Variants in STARD13 observed in about 807,000 individuals in gnomAD.
The protein encoded by STARD13 is stAR-related lipid transfer protein 13.
A neutral mutation model predicts 106.4 loss-of-function variants in STARD13; 62 were observed. The ratio of observed to expected loss-of-function variants is 0.58; its 90% CI spans 0.48 to 0.72. STARD13 has a LOEUF of 0.72. Among genes scored for constraint, STARD13 ranks in the 30% least tolerant of loss-of-function variants. The pLI is 0.00. For synonymous variants in STARD13, 565 were observed against 553.0 expected (o/e 1.02, Z -0.31); for missense variants, 1,387 against 1,424.0 (o/e 0.97, Z 0.42).
chr13:33,207,195 C>T (rs1027261463), intron 1 of STARD13, among the ~76,000 whole-genome samples: 2 of 152,098 alleles, frequency 1.3e-5, no homozygotes, highest in African/African-American at 4.8e-5. Context: ...AGGATAACAG[C>T]CACTCAGATT....
chr13:33,118,300 C>A (rs750826911), intron 7 of STARD13, 37 bp from the exon 8 acceptor site: 31 of 1,586,164 alleles, frequency 2.0e-5, no homozygotes, highest in Non-Finnish European at 2.6e-5. Flanking sequence ...AGCCAGGCCA[C>A]ACTTGGTTGT....
At chr13:33,162,833 C>T (rs1016143169) in intron 3 of STARD13, among the ~76,000 whole-genome samples, 1 of 151,962 alleles carries the variant, frequency 6.6e-6, no homozygotes. Context: ...TTCTTCTGAG[C>T]CTTCCACACT....
chr13:33,561,136 A>C, the STARD13 span, among the ~76,000 whole-genome samples: 1 of 151,574 alleles, frequency 6.6e-6, no homozygotes, highest in East Asian at 1.9e-4. Flanking sequence ...TAAAAGTATT[A>C]ATCCAGATAA....
At chr13:33,124,637 A>G (rs1002680061) in intron 7 of STARD13, among the ~76,000 whole-genome samples, 8 of 152,206 alleles carry the variant, frequency 5.3e-5, no homozygotes, top group Non-Finnish European at 1.2e-4. Flanking sequence ...CATTATTCAG[A>G]AGCTACGGGG....
chr13:33,583,868 AT>A, the STARD13 span, among the ~76,000 whole-genome samples: 3 of 136,442 alleles, frequency 2.2e-5, no homozygotes, highest in African/African-American at 8.3e-5. Context: ...TTTTTTTTTC[AT>A]TCGTCAGTAG....
chr13:33,468,585 ACT>A, the STARD13 span, among the ~76,000 whole-genome samples: 1 of 70,642 alleles, frequency 1.4e-5, no homozygotes, highest in African/African-American at 5.5e-5. Flanking sequence ...CCCCTCCCCC[ACT>A]CTCTCTCTCA....
chr13:33,610,752 T>C, the STARD13 span, among the ~76,000 whole-genome samples: 1 of 152,236 alleles, frequency 6.6e-6, no homozygotes, highest in South Asian at 2.1e-4. Flanking sequence ...TTTATTTTTC[T>C]TCCGCTGAGA....
the STARD13 span, among the ~76,000 whole-genome samples, chr13:33,494,754 A>G: frequency 2.0e-5 from 3 of 152,108 alleles, no homozygotes; most frequent in South Asian, 2.1e-4. Flanking sequence ...TATAGCTAGC[A>G]CAATGAGAAT....
the STARD13 span, among the ~76,000 whole-genome samples, chr13:33,499,591 CTTCTTCTTCTTCTTTCTTCTT>C: frequency 4.7e-5 from 3 of 64,006 alleles, no homozygotes; most frequent in Non-Finnish European, 9.7e-5. Flanking sequence ...TCTTCTTCTT[CTTCTTCTTCTTCTTTCTTCTT>C]CTTCTTCTTC....
the STARD13 span, among the ~76,000 whole-genome samples, chr13:33,370,723 A>T: frequency 6.8e-6 from 1 of 147,240 alleles, no homozygotes; most frequent in Non-Finnish European, 1.5e-5. Flanking sequence ...GGTTCAAGTG[A>T]TTCTCCCGCC....
the STARD13 span, among the ~76,000 whole-genome samples, chr13:33,398,756 C>T: frequency 6.6e-6 from 1 of 152,164 alleles, no homozygotes; most frequent in Non-Finnish European, 1.5e-5. Context: ...TACCACTGTA[C>T]ACCAGTGTTT....
At chr13:33,540,661 G>A in the STARD13 span, among the ~76,000 whole-genome samples, 3 of 152,238 alleles carry the variant, frequency 2.0e-5, no homozygotes, top group African/African-American at 7.2e-5. Flanking sequence ...TGTTTGATGA[G>A]TGCAGACACA....
At chr13:33,285,376 A>T in intron 1 of STARD13, 94 bp downstream of exon 1, 9 of 1,319,336 alleles carry the variant, frequency 6.8e-6, no homozygotes, top group Non-Finnish European at 9.4e-6. Context: ...TATGTTATAA[A>T]GTGGAAACAA....
At chr13:33,297,544 T>C (rs897122130) in intron 1 of STARD13, among the ~76,000 whole-genome samples, 12 of 151,746 alleles carry the variant, frequency 7.9e-5, no homozygotes, top group African/African-American at 2.9e-4. Flanking sequence ...CATTGCTGTA[T>C]GTGAAAAAAT....
At chr13:33,266,484 C>A (rs1164387506) in intron 1 of STARD13, among the ~76,000 whole-genome samples, 1 of 152,246 alleles carries the variant, frequency 6.6e-6, no homozygotes, top group Non-Finnish European at 1.5e-5. Flanking sequence ...AAACTCACTG[C>A]AGTCTGGCCT....
the STARD13 span, among the ~76,000 whole-genome samples, chr13:33,468,063 A>G: frequency 1.9e-4 from 29 of 152,324 alleles, no homozygotes; most frequent in Non-Finnish European, 4.1e-4. Context: ...TTCTATGTGA[A>G]TGGCTCCCAA....
chr13:33,247,182 G>A (rs1350750309), intron 1 of STARD13, among the ~76,000 whole-genome samples: 1 of 151,876 alleles, frequency 6.6e-6, no homozygotes, highest in Admixed American at 6.6e-5. Context: ...GGGTGACAGA[G>A]TGAGACTCTG....
At chr13:33,551,396 G>A in the STARD13 span, among the ~76,000 whole-genome samples, 2 of 151,954 alleles carry the variant, frequency 1.3e-5, no homozygotes, top group East Asian at 3.9e-4. Flanking sequence ...AAAAAGTTTT[G>A]GATTTGGGGG....
At chr13:33,414,536 C>T in the STARD13 span, among the ~76,000 whole-genome samples, 1 of 149,020 alleles carries the variant, frequency 6.7e-6, no homozygotes, top group African/African-American at 2.5e-5. Flanking sequence ...GGGAAAAAGC[C>T]AATCTTAAAA....
Sources: gnomAD v4.1 joint callset for allele counts (sites outside exome capture counted in the v4.1 genomes callset) on GRCh38, gnomAD v4.1.1 for gene constraint, MANE v1.5 for transcripts, NCBI Gene and HGNC (gene_info 2026-07-23, HGNC 2026-07-21) for gene names.